VWF: variants seen among roughly 807,000 people sequenced by gnomAD.
The protein encoded by VWF is Factor VIII related antigen.
In VWF, 176 loss-of-function variants were observed where a neutral mutation model predicts 308.6. The ratio of observed to expected loss-of-function variants is 0.57; its 90% CI spans 0.50 to 0.65. The LOEUF (loss-of-function observed/expected upper bound fraction) is 0.65, where lower values mean the gene tolerates loss of function less well. Among genes scored for constraint, VWF ranks in the 30% least tolerant of loss-of-function variants. The pLI, the probability that VWF is intolerant of heterozygous loss-of-function variation, is 0.00. For missense variants in VWF, 3,146 were observed against 3,648.2 expected (o/e 0.86, Z 3.55); for synonymous variants, 1,385 against 1,443.4 (o/e 0.96, Z 0.92).
rs1944047619 is a variant in VWF, at chr12:6,015,657, A to C, written c.5455+432T>G. ...CATGATCCTTTGTCTCTCATCCATC[A>C]ACCCTGCCAAGCCCATTACCTGGTA... is the stretch of plus-strand genomic sequence containing the variant. On this transcript the variant is annotated intron_variant, in intron 31 of 51. Coordinates refer to ENST00000261405, the MANE Select transcript of VWF (RefSeq NM_000552.5). Among the ~76,000 whole-genome samples, 3 of 151,978 alleles carry C rather than the reference A, an allele frequency of 2.0e-5. No homozygotes were observed. In the South Asian group the frequency reaches 6.2e-4, roughly 32 times the overall value.
chr12:6,041,326 A>G (rs1201761529), intron 18 of VWF, among the ~76,000 whole-genome samples: 1 of 151,818 alleles, frequency 6.6e-6, no homozygotes, highest in Non-Finnish European at 1.5e-5. Flanking sequence ...GCTACTCAGA[A>G]GGCTGAGGCA....
At chr12:5,976,025 A>AG in intron 43 of VWF, 86 bp downstream of exon 43, 2 of 1,586,318 alleles carry the variant, frequency 1.3e-6, no homozygotes, top group Non-Finnish European at 1.7e-6. Context: ...CAAAAAAAAA[A>AG]GAACCTTTCT....
At chr12:5,970,799 G>A (rs557966207) in intron 44 of VWF, among the ~76,000 whole-genome samples, 1 of 152,342 alleles carries the variant, frequency 6.6e-6, no homozygotes, top group East Asian at 1.9e-4. Flanking sequence ...ACAGAGGCAA[G>A]GCCCATATGG....
Position 6,002,254 on chromosome 12 carries a change from G to C in VWF, c.5843-6032C>G, listed in dbSNP as rs188974743. Reference sequence around the variant, plus strand: ...GATAAAAGCAGAAATCCATAAAGTAGAGAATATAAAAACAGTAAACATAAT... The same window carrying C: ...GATAAAAGCAGAAATCCATAAAGTACAGAATATAAAAACAGTAAACATAAT... On this transcript the variant is annotated intron_variant, in intron 34 of 51. Coordinates refer to ENST00000261405, the MANE Select transcript of VWF (RefSeq NM_000552.5). 6.4e-3 allele frequency among the ~76,000 whole-genome samples: 964 copies of C among 151,750 alleles called. 12 individuals are homozygous for C. The highest frequency in any genetic ancestry group is 0.022 in the African/African-American group (932 of 41,484).
At chr12:6,093,237 C>T (rs1945070031) in intron 6 of VWF, among the ~76,000 whole-genome samples, 1 of 152,236 alleles carries the variant, frequency 6.6e-6, no homozygotes, top group Non-Finnish European at 1.5e-5. Context: ...CGTAGGTGCC[C>T]ATTCAGAGCC....
At chr12:5,978,847 G>A (rs1943561185) in intron 42 of VWF, among the ~76,000 whole-genome samples, 1 of 152,146 alleles carries the variant, frequency 6.6e-6, no homozygotes, top group Non-Finnish European at 1.5e-5. Flanking sequence ...TAAAAGGTAG[G>A]GGGACTTTTG....
rs182264708 is a variant in VWF at position 6,071,600 on chromosome 12, C to A, written c.1110-257G>T. 7.4e-4 allele frequency among the ~76,000 whole-genome samples: 112 copies of A among 152,278 alleles called. 1 individual carries two copies. In the Middle Eastern group the frequency reaches 0.01, roughly 14 times the overall value. ...AAGAAAGAAAAAAAAACTACCTGATCCCCCTGAAAATCTACTCAGATACCA... is the reference window on the plus strand; with the variant it reads ...AAGAAAGAAAAAAAAACTACCTGATACCCCTGAAAATCTACTCAGATACCA... On this transcript the variant is annotated intron_variant, in intron 9 of 51. Transcript: ENST00000261405.
In VWF at chr12:6,026,044, C is replaced by G; in HGVS notation, c.2970G>C (p.Glu990Asp). The change falls in exon 23 of 52, where the codon GAG becomes GAC. Residue 990 changes from glutamate (E) to aspartate (D), a missense_variant and splice_region_variant. This residue lies in a region of VWF where 1,304 missense variants were observed against 1,353.0 expected (regional missense o/e 0.96). Transcript: ENST00000261405. The stretch of plus-strand genomic sequence containing the variant: ...AATTCCCACACAGGCCACACACTTT[C>G]TCCTTGAGAGACAAGTTGAGGGATG... ...ISVVLKQTYQ[E>D]KVCGLCGNFD... 2 of 1,613,988 alleles carry G rather than the reference C, an allele frequency of 1.2e-6. No homozygotes were observed. Among genetic ancestry groups the G allele is most frequent in the Non-Finnish European group, 1.7e-6 (2 of 1,179,866 alleles).
intron 40 of VWF, among the ~76,000 whole-genome samples, chr12:5,983,966 GGATAGATGGATAGATAGATA>G (rs1241455089): frequency 7.8e-6 from 1 of 127,870 alleles, no homozygotes; most frequent in Non-Finnish European, 1.7e-5. Context: ...TAGGATGGAT[GGATAGATGGATAGATAGATA>G]GATAGATAGA....
At position 6,034,745 on chromosome 12, in the gene VWF, G is replaced by A; in HGVS notation, c.2628C>T (p.Leu876=). The A allele has an allele frequency of 6.2e-7, 1 of 1,614,228 alleles. No homozygotes were observed. The highest frequency in any genetic ancestry group is 8.5e-7 in the Non-Finnish European group (1 of 1,180,040). Residue 876 remains leucine (L), a synonymous_variant, in exon 20 of 52, where the codon CTC becomes CTT. Transcript: ENST00000261405. ...ACAGGTATTTGAGCCCGTCGAAGGT[G>A]AGGTAGTGGGCCATGCCGATCGTGG... ...TCSTIGMAHY[L]TFDGLKYLFP...
intron 3 of VWF, among the ~76,000 whole-genome samples, chr12:6,112,881 TA>T (rs3837511): frequency 0.67 from 100,952 of 151,632 alleles, 34,624 homozygotes; most frequent in African/African-American, 0.83. Context: ...TGCACACACA[TA>T]AGCATGCACC....
At position 6,056,961 on chromosome 12, in the gene VWF, G is replaced by T. The variant is rs776987924; in HGVS notation, c.1841C>A (p.Ser614Tyr). The T allele has an allele frequency of 1.3e-6, 2 of 1,540,322 alleles. No individual in the cohort carries two copies. The highest frequency in any genetic ancestry group is 1.4e-5 in the African/African-American group (1 of 73,270). ...CAGGCACTCGCGGCCGTCCGAGCAGGAGCACACGTCGTAGCGGCAGTTCCG... is the reference window on the plus strand; with the variant it reads ...CAGGCACTCGCGGCCGTCCGAGCAGTAGCACACGTCGTAGCGGCAGTTCCG... Reference protein sequence around the residue: ...YLRNCRYDVCSCSDGRECLCG... With the variant: ...YLRNCRYDVCYCSDGRECLCG... The change falls in exon 15 of 52, where the codon TCC becomes TAC. Residue 614 changes from serine to tyrosine, a missense_variant. By Grantham distance (144) the Ser-to-Tyr change is moderately radical (BLOSUM62 -2). This residue lies in a region of VWF where 1,304 missense variants were observed against 1,353.0 expected (regional missense o/e 0.96). Transcript: ENST00000261405.
Position 6,110,958 on chromosome 12 carries a change from C to T in VWF, c.231G>A (p.Gln77=). Residue 77 remains glutamine (Q), a synonymous_variant, in exon 4 of 52, where the codon CAG becomes CAA. Coordinates refer to ENST00000261405, the MANE Select transcript of VWF (RefSeq NM_000552.5). ...KRSFSIIGDF[Q]NGKRVSLSVY... ...CGGAGAGGCTCACTCTCTTGCCATTCTGGAAGTCCCCTGAAAGAGAAAAAA... is the reference window on the plus strand; with the variant it reads ...CGGAGAGGCTCACTCTCTTGCCATTTTGGAAGTCCCCTGAAAGAGAAAAAA... 6.2e-7 allele frequency: 1 copy of T among 1,614,092 alleles called. No homozygotes were observed. The highest frequency in any genetic ancestry group is 8.5e-7 in the Non-Finnish European group (1 of 1,179,970).
intron 35 of VWF, among the ~76,000 whole-genome samples, chr12:5,994,968 C>G (rs1158923130): frequency 2.0e-5 from 3 of 152,104 alleles, no homozygotes; most frequent in African/African-American, 7.2e-5. Context: ...AGAGCAGTGT[C>G]TCCAAGAGCA....
rs569827501 is a variant in VWF at position 6,075,282 on chromosome 12, A to G, written c.874+53T>C. ...CGAAGCACCCTAAGGGACACCACCC[A>G]GGACAGACCGTTCATCCCCGGCAGG... On this transcript the variant is annotated intron_variant, in intron 7 of 51. Coordinates refer to ENST00000261405, the MANE Select transcript of VWF (RefSeq NM_000552.5). This position sits in a 1 kb window ranked among gnomAD's most constrained non-coding sequence, Gnocchi z 4.7. 2 of 1,610,892 alleles carry G rather than the reference A, an allele frequency of 1.2e-6. No homozygotes were observed. Among genetic ancestry groups the G allele is most frequent in the South Asian group, 2.2e-5 (2 of 90,996 alleles).
intron 34 of VWF, among the ~76,000 whole-genome samples, chr12:6,008,072 G>T (rs1320699001): frequency 2.0e-5 from 3 of 152,062 alleles, no homozygotes; most frequent in Non-Finnish European, 4.4e-5. Context: ...ATAAATAAGA[G>T]CTCAGATGCT....
intron 2 of VWF, chr12:6,122,785 CTTCA>C: frequency 1.8e-6 from 1 of 567,894 alleles, no homozygotes; most frequent in South Asian, 1.4e-5. Context: ...CCCTCAGTCT[CTTCA>C]TTGTACCATG....
At chr12:6,049,236 A>G (rs1388236132) in intron 16 of VWF, among the ~76,000 whole-genome samples, 1 of 152,162 alleles carries the variant, frequency 6.6e-6, no homozygotes, top group Admixed American at 6.5e-5. Context: ...TCCTTCCAAC[A>G]CACCTTCTCC....
chr12:6,116,712 C>T (rs1289433875), intron 3 of VWF, among the ~76,000 whole-genome samples: 1 of 152,166 alleles, frequency 6.6e-6, no homozygotes, highest in Non-Finnish European at 1.5e-5. Flanking sequence ...TCGCCTTGGC[C>T]TCGAACCCTG....
Sources: allele counts gnomAD v4.1 joint callset (sites outside exome capture counted in the v4.1 genomes callset), GRCh38; gene constraint gnomAD v4.1.1; regional missense constraint gnomAD v4.1.1; non-coding constraint Gnocchi (gnomAD v3.1); transcripts MANE v1.5; gene names NCBI Gene and HGNC (gene_info 2026-07-23, HGNC 2026-07-21).